The following P4HA1 variants were observed in gnomAD, a reference collection of about 807,000 sequenced individuals.
P4HA1 encodes prolyl 4-hydroxylase subunit alpha-1.
A neutral mutation model predicts 72.8 loss-of-function variants in P4HA1; 24 were observed. The ratio of observed to expected loss-of-function variants is 0.33; its 90% confidence interval spans 0.24 to 0.46. The LOEUF is 0.46. P4HA1 is among the 20% of genes least tolerant of loss of function. P4HA1 has a pLI of 1.00. For synonymous variants in P4HA1, 201 were observed against 218.8 expected, an observed-to-expected ratio of 0.92 and a Z score of 0.72; for missense variants, 446 against 640.6, an observed-to-expected ratio of 0.70 and a Z score of 3.28.
chr10:73,059,749 A>G (rs1841267044), intron 5 of P4HA1, among the ~76,000 whole-genome samples: 1 of 150,558 alleles, frequency 6.6e-6, no homozygotes, highest in South Asian at 2.1e-4. Flanking sequence ...TCTGAAAAAA[A>G]TAATAATAAA....
rs1365514449 is a variant in P4HA1 at position 73,053,353 on chromosome 10, A to C, written c.701T>G (p.Leu234Arg). The change falls in exon 6 of 15, where the codon CTA (leucine) becomes CGA (arginine). Residue 234 changes from leucine (L) to arginine (R), a missense_variant and splice_region_variant. Physicochemically the swap from Leu to Arg is moderately radical, Grantham distance 102. Coordinates refer to ENST00000394890, the MANE Select transcript of P4HA1 (RefSeq NM_001017962.3). The stretch of plus-strand genomic sequence containing the variant: ...TAAATTAGGCCCAGATAACATACCT[A>C]GTTCAAGAAGCTTCTTTGTGAGCAA... ...ALLLTKKLLELDPEHQRANGN... is the reference protein window; with the variant it reads ...ALLLTKKLLERDPEHQRANGN... 6.2e-7 allele frequency: 1 copy of C among 1,613,814 alleles called. No homozygotes were observed. Among genetic ancestry groups the C allele is most frequent in the African/African-American group, 1.3e-5 (1 of 74,918 alleles).
chr10:73,032,833 T>A (rs1264447042), intron 9 of P4HA1, among the ~76,000 whole-genome samples: 1 of 152,032 alleles, frequency 6.6e-6, no homozygotes, highest in South Asian at 2.1e-4. Flanking sequence ...GAGAAAGACA[T>A]GGAGAAGAAA....
At chr10:73,057,494 AAAAAAC>A (rs1255889044) in intron 5 of P4HA1, among the ~76,000 whole-genome samples, 1 of 152,164 alleles carries the variant, frequency 6.6e-6, no homozygotes, top group Admixed American at 6.5e-5. Flanking sequence ...CATCTCTTAA[AAAAAAC>A]AAAAACAAAA....
At chr10:73,013,124 T>C (rs1444965780) in intron 12 of P4HA1, among the ~76,000 whole-genome samples, 2 of 152,182 alleles carry the variant, frequency 1.3e-5, no homozygotes, top group Admixed American at 6.5e-5. Context: ...TTAACAAAGG[T>C]TATGACATTA....
At chr10:73,022,783 T>C (rs971721850) in intron 10 of P4HA1, among the ~76,000 whole-genome samples, 2 of 151,940 alleles carry the variant, frequency 1.3e-5, no homozygotes, top group African/African-American at 2.4e-5. Context: ...GAACAAACAG[T>C]GTAGAGAAGA....
chr10:73,039,791 A>G (rs778450650), intron 9 of P4HA1, among the ~76,000 whole-genome samples: 30 of 152,084 alleles, frequency 2.0e-4, no homozygotes, highest in Admixed American at 4.6e-4. Flanking sequence ...TTCCCAGGCT[A>G]CAAGGGATTA....
intron 1 of P4HA1, among the ~76,000 whole-genome samples, chr10:73,078,581 G>A (rs1841753800): frequency 6.8e-6 from 1 of 147,074 alleles, no homozygotes; most frequent in African/African-American, 2.5e-5. Context: ...ATTGTCTCTG[G>A]TTAGCAAAGC....
In P4HA1 at chr10:73,039,411, G is replaced by A. The variant is rs748095503; in HGVS notation, c.1148+5570C>T. ...AAGCTCTGCCTCCTGGGTTCCTGCCGTTCTCCTGCCTCAGCCTCCCCAGTA... is the reference window on the plus strand; with the variant it reads ...AAGCTCTGCCTCCTGGGTTCCTGCCATTCTCCTGCCTCAGCCTCCCCAGTA... On this transcript the variant is annotated intron_variant, in intron 9 of 14. Coordinates refer to ENST00000394890, the MANE Select transcript of P4HA1 (RefSeq NM_001017962.3). Among the ~76,000 whole-genome samples, 42 of 151,906 alleles carry A rather than the reference G, an allele frequency of 2.8e-4. 1 individual carries two copies. The highest frequency in any genetic ancestry group is 2.5e-3 in the South Asian group (12 of 4,818).
chr10:73,089,631 T>A (rs1589633130), intron 1 of P4HA1, among the ~76,000 whole-genome samples: 1 of 150,738 alleles, frequency 6.6e-6, no homozygotes, highest in Non-Finnish European at 1.5e-5. Context: ...TAAAATACTA[T>A]TCAACAATAA....
chr10:73,095,137 A>G (rs1322176630), intron 1 of P4HA1, among the ~76,000 whole-genome samples: 7 of 151,890 alleles, frequency 4.6e-5, no homozygotes, highest in Non-Finnish European at 1.0e-4. Context: ...GAATTTTATT[A>G]AAGGTAAGTG....
At chr10:73,021,498 T>C (rs148013129) in intron 10 of P4HA1, among the ~76,000 whole-genome samples, 130 of 152,332 alleles carry the variant, frequency 8.5e-4, no homozygotes, top group African/African-American at 3.1e-3. Flanking sequence ...AAGAAGAATG[T>C]AATCTTATCA....
At chr10:73,044,119 G>T (rs987651686) in intron 9 of P4HA1, among the ~76,000 whole-genome samples, 1 of 152,156 alleles carries the variant, frequency 6.6e-6, no homozygotes, top group Non-Finnish European at 1.5e-5. Flanking sequence ...AAAAGTGGCA[G>T]TAAGAACAGC....
At chr10:73,048,052 A>G (rs954232209) in intron 7 of P4HA1, among the ~76,000 whole-genome samples, 1 of 152,090 alleles carries the variant, frequency 6.6e-6, no homozygotes, top group African/African-American at 2.4e-5. Flanking sequence ...AAGCTGTCTC[A>G]AAAAAACAAA....
At chr10:73,041,453 A>ATG (rs1564626228) in intron 9 of P4HA1, among the ~76,000 whole-genome samples, 1 of 151,482 alleles carries the variant, frequency 6.6e-6, no homozygotes, top group Non-Finnish European at 1.5e-5. Context: ...AGGCAGAAGA[A>ATG]TGGCATGAAC....
At chr10:73,063,069 C>G (rs143165476) in intron 5 of P4HA1, among the ~76,000 whole-genome samples, 1 of 152,198 alleles carries the variant, frequency 6.6e-6, no homozygotes, top group African/African-American at 2.4e-5. Context: ...ATGTTTTTCC[C>G]TTAAATAATT....
At chr10:73,059,984 C>T (rs924540812) in intron 5 of P4HA1, among the ~76,000 whole-genome samples, 1 of 151,786 alleles carries the variant, frequency 6.6e-6, no homozygotes, top group East Asian at 1.9e-4. Flanking sequence ...AAAGAAAAAA[C>T]GAGGACAATC....
intron 7 of P4HA1, among the ~76,000 whole-genome samples, chr10:73,050,022 C>T (rs6480661): frequency 0.049 from 7,426 of 151,956 alleles, 583 homozygotes; most frequent in African/African-American, 0.16. Flanking sequence ...AAAAGTTAGC[C>T]GGGCATGGTG....
chr10:73,052,818 G>C (rs1403936465), intron 6 of P4HA1, among the ~76,000 whole-genome samples: 1 of 152,170 alleles, frequency 6.6e-6, no homozygotes. Flanking sequence ...CTAGGGTAGA[G>C]ATCAAGAAAT....
chr10:73,039,883 CAG>C (rs1191939194), intron 9 of P4HA1, among the ~76,000 whole-genome samples: 2 of 90,850 alleles, frequency 2.2e-5, no homozygotes, highest in Admixed American at 1.5e-4. Context: ...TTTTTTGAGA[CAG>C]AGTTTTTGCT....
Sources: gnomAD v4.1 joint callset for allele counts (sites outside exome capture counted in the v4.1 genomes callset) on GRCh38, gnomAD v4.1.1 for gene constraint, MANE v1.5 for transcripts, NCBI Gene and HGNC (gene_info 2026-07-23, HGNC 2026-07-21) for gene names.